The following SHROOM4 variants were observed in gnomAD, a reference collection of about 807,000 sequenced individuals.
The protein encoded by SHROOM4 is protein Shroom4.
A neutral mutation model predicts 80.3 loss-of-function variants in SHROOM4; 17 were observed. The ratio of observed to expected loss-of-function variants is 0.21; its 90% CI spans 0.14 to 0.32. The LOEUF (loss-of-function observed/expected upper bound fraction) is 0.32, where lower values mean the gene tolerates loss of function less well. SHROOM4 is among the 10% of genes least tolerant of loss of function. SHROOM4 has a pLI of 1.00. For synonymous variants in SHROOM4, 400 were observed against 437.5 expected, an observed-to-expected ratio of 0.91 and a Z score of 1.07; for missense variants, 993 against 1,140.3, an observed-to-expected ratio of 0.87 and a Z score of 1.86.
intron 3 of SHROOM4, among the ~76,000 whole-genome samples, chrX:50,637,059 G>A (rs182762033): frequency 2.6e-4 from 29 of 111,284 alleles, no homozygotes; most frequent in Non-Finnish European, 4.5e-4. Flanking sequence ...GCCCACCCAC[G>A]CCTCCCCCAA....
chrX:50,732,805 A>G (rs1490609512), intron 1 of SHROOM4, among the ~76,000 whole-genome samples: 1 of 112,393 alleles, frequency 8.9e-6, no homozygotes, highest in Non-Finnish European at 1.9e-5. Context: ...GCCTAGGCCC[A>G]GATATCTTCA....
At chrX:50,726,845 C>G (rs1557265930) in intron 1 of SHROOM4, among the ~76,000 whole-genome samples, 1 of 112,996 alleles carries the variant, frequency 8.8e-6, no homozygotes, top group Admixed American at 9.3e-5. Context: ...AGATCCCACA[C>G]AGAGTCCCCA....
chrX:50,634,382 C>A lies in SHROOM4; in HGVS notation c.1691G>T (p.Ser564Ile), dbSNP rs782089492. The A allele has an allele frequency of 8.3e-7, 1 of 1,211,420 alleles. No homozygotes were observed. The highest frequency in any genetic ancestry group is 2.2e-5 in the Admixed American group (1 of 46,022). The change falls in exon 4 of 9, where the codon AGC (serine) becomes ATC (isoleucine). Residue 564 changes from serine to isoleucine, a missense_variant. Physicochemically the swap from Ser to Ile is moderately radical, Grantham distance 142. Transcript: ENST00000376020. The stretch of plus-strand genomic sequence containing the variant: ...TCCACTTCGCCTACCACCCATCCGG[C>A]TGCACTCCTTGGGCTCGCTGTCCCC... Reference protein sequence around the residue: ...EEGDSEPKECSRMGGRRSGGT... With the variant: ...EEGDSEPKECIRMGGRRSGGT...
intron 2 of SHROOM4, chrX:50,687,326 C>A (rs782215049): frequency 9.4e-6 from 1 of 106,920 alleles, no homozygotes; most frequent in Non-Finnish European, 1.9e-5. Flanking sequence ...AGCATGCCTG[C>A]TCCAGTTGCT....
At chrX:50,713,386 T>A (rs1238299105) in intron 1 of SHROOM4, among the ~76,000 whole-genome samples, 1 of 111,359 alleles carries the variant, frequency 9.0e-6, no homozygotes, top group Non-Finnish European at 1.9e-5. Flanking sequence ...ATCACAGCAC[T>A]TTGGGAGGCC....
rs151329289 is a variant in SHROOM4, at chrX:50,634,398, C to T, written c.1675G>A (p.Glu559Lys). ...GTEAGEEGDS[E>K]PKECSRMGGR... The stretch of plus-strand genomic sequence containing the variant: ...CCCATCCGGCTGCACTCCTTGGGCT[C>T]GCTGTCCCCTTCTTCACCTGCCTCT... The change falls in exon 4 of 9, where the codon GAG (glutamate) becomes AAG (lysine). Residue 559 changes from glutamate to lysine, a missense_variant. Transcript: ENST00000376020. 628 of 1,209,155 alleles carry T rather than the reference C, an allele frequency of 5.2e-4. No individual in the cohort carries two copies. The highest frequency in any genetic ancestry group is 6.5e-4 in the Non-Finnish European group (583 of 894,896).
intron 5 of SHROOM4, among the ~76,000 whole-genome samples, chrX:50,608,613 C>T (rs1291775952): frequency 8.9e-6 from 1 of 112,044 alleles, no homozygotes; most frequent in Non-Finnish European, 1.9e-5. Context: ...AGTCAGATTG[C>T]ATGTGCTGTT....
chrX:50,781,683 A>G (rs1935630692), intron 1 of SHROOM4, among the ~76,000 whole-genome samples: 2 of 110,858 alleles, frequency 1.8e-5, no homozygotes, highest in Admixed American at 1.9e-4. Flanking sequence ...CCAAATTGCT[A>G]TTTCAGCCAA....
chrX:50,770,442 C>T (rs1935372241), intron 1 of SHROOM4, among the ~76,000 whole-genome samples: 1 of 111,869 alleles, frequency 8.9e-6, no homozygotes, highest in African/African-American at 3.3e-5. Flanking sequence ...TTCAAGGCAG[C>T]AGCATACATA....
chrX:50,673,931 A>G (rs1039940719), intron 2 of SHROOM4, among the ~76,000 whole-genome samples: 2 of 108,826 alleles, frequency 1.8e-5, no homozygotes, highest in Non-Finnish European at 3.8e-5. Flanking sequence ...TCAACATACC[A>G]AAAGCAATCA....
At chrX:50,655,692 A>G (rs1004549684) in intron 2 of SHROOM4, among the ~76,000 whole-genome samples, 4 of 109,349 alleles carry the variant, frequency 3.7e-5, no homozygotes, top group Non-Finnish European at 7.6e-5. Context: ...TTTATTCCAT[A>G]TCTTGGCTAT....
intron 6 of SHROOM4, among the ~76,000 whole-genome samples, chrX:50,606,728 T>C (rs1929689349): frequency 9.0e-6 from 1 of 110,589 alleles, no homozygotes; most frequent in African/African-American, 3.3e-5. Context: ...CCCTGTCAAC[T>C]ACCACCTATT....
intron 1 of SHROOM4, among the ~76,000 whole-genome samples, chrX:50,765,171 C>T (rs184104252): frequency 8.9e-6 from 1 of 112,021 alleles, no homozygotes; most frequent in East Asian, 2.8e-4. Context: ...GACCATATCA[C>T]AATCCATTTT....
intron 1 of SHROOM4, among the ~76,000 whole-genome samples, chrX:50,745,865 T>C (rs1934763896): frequency 8.9e-6 from 1 of 111,855 alleles, no homozygotes; most frequent in African/African-American, 3.3e-5. Context: ...AAATAAGTGA[T>C]TCTCAATTTG....
intron 1 of SHROOM4, among the ~76,000 whole-genome samples, chrX:50,777,763 C>T (rs1935540794): frequency 8.9e-6 from 1 of 112,013 alleles, no homozygotes; most frequent in Non-Finnish European, 1.9e-5. Flanking sequence ...TTTGCTCTTA[C>T]AATTAGGTTC....
chrX:50,635,358 C>T lies in SHROOM4; in HGVS notation c.715G>A (p.Gly239Ser). 1 of 1,204,143 alleles carries T rather than the reference C, an allele frequency of 8.3e-7. No individual in the cohort carries two copies. Among genetic ancestry groups the T allele is most frequent in the African/African-American group, 1.7e-5 (1 of 57,729 alleles). ...GRPNVAETSG[G>S]SRRTNGGHLT... ...TGGCCCCCATTGGTGCGCCGACTAC[C>T]TCCTGAGGTCTCAGCCACATTAGGC... Residue 239 changes from glycine to serine, a missense_variant, in exon 4 of 9, where the codon GGT (glycine) becomes AGT (serine). Physicochemically the swap from Gly to Ser is moderately conservative, Grantham distance 56. Transcript: ENST00000376020.
At chrX:50,644,163 G>A (rs907404397) in intron 2 of SHROOM4, among the ~76,000 whole-genome samples, 1 of 112,140 alleles carries the variant, frequency 8.9e-6, no homozygotes, top group Non-Finnish European at 1.9e-5. Flanking sequence ...CTTCCTGTGC[G>A]GACTTGAGCA....
intron 1 of SHROOM4, among the ~76,000 whole-genome samples, chrX:50,789,203 T>C (rs1463295737): frequency 9.0e-6 from 1 of 111,247 alleles, no homozygotes; most frequent in Non-Finnish European, 1.9e-5. Context: ...AGCAACAAAA[T>C]ATACATTCTT....
At chrX:50,623,856 A>C (rs1360651468) in intron 5 of SHROOM4, among the ~76,000 whole-genome samples, 4 of 112,451 alleles carry the variant, frequency 3.6e-5, no homozygotes, top group Non-Finnish European at 3.7e-5. Flanking sequence ...AAAGGAACGA[A>C]GTACTGATAC....
Sources: gnomAD v4.1 joint callset for allele counts (sites outside exome capture counted in the v4.1 genomes callset) on GRCh38, gnomAD v4.1.1 for gene constraint, MANE v1.5 for transcripts, NCBI Gene and HGNC (gene_info 2026-07-23, HGNC 2026-07-21) for gene names.